Variants in LRP1B observed in about 807,000 individuals in gnomAD.
LRP1B encodes the protein low-density lipoprotein receptor-related protein 1B.
In LRP1B, 217 loss-of-function variants were observed where a neutral mutation model predicts 556.6. The observed-to-expected ratio is 0.39, with a 90% CI of 0.35 to 0.44. LRP1B has a LOEUF of 0.44. Among genes scored for constraint, LRP1B ranks in the 20% least tolerant of loss-of-function variants. The pLI is 1.00. For missense variants in LRP1B, 5,053 were observed against 5,620.8 expected, an observed-to-expected ratio of 0.90 and a Z score of 3.23; for synonymous variants, 2,047 against 1,865.8, an observed-to-expected ratio of 1.10 and a Z score of -2.50.
intron 18 of LRP1B, among the ~76,000 whole-genome samples, chr2:140,962,314 T>C (rs1227010456): frequency 1.3e-5 from 2 of 152,172 alleles, no homozygotes; most frequent in African/African-American, 4.8e-5. Flanking sequence ...TGCAACCTTC[T>C]AGAGCAGAAA....
intron 2 of LRP1B, among the ~76,000 whole-genome samples, chr2:141,619,100 C>A (rs980489681): frequency 6.6e-6 from 1 of 152,128 alleles, no homozygotes; most frequent in African/African-American, 2.4e-5. Flanking sequence ...GCTTCCTATC[C>A]TGTTTGATTT....
chr2:140,313,146 T>C (rs1684379338), intron 83 of LRP1B, among the ~76,000 whole-genome samples: 1 of 151,922 alleles, frequency 6.6e-6, no homozygotes, highest in African/African-American at 2.4e-5. Flanking sequence ...AAAATGCTTT[T>C]TAAGTGACTT....
intron 1 of LRP1B, among the ~76,000 whole-genome samples, chr2:141,993,582 C>T (rs910169436): frequency 6.6e-6 from 1 of 151,194 alleles, no homozygotes; most frequent in African/African-American, 2.4e-5. Context: ...AGACAGGATT[C>T]AGAATGGATT....
chr2:141,643,644 C>T (rs79863754), intron 2 of LRP1B, among the ~76,000 whole-genome samples: 2 of 151,952 alleles, frequency 1.3e-5, no homozygotes, highest in Non-Finnish European at 2.9e-5. Context: ...TTTTGTCCCA[C>T]AAAAGTAGAA....
chr2:141,600,687 A>C (rs1179822037), intron 2 of LRP1B, among the ~76,000 whole-genome samples: 1 of 152,114 alleles, frequency 6.6e-6, no homozygotes, highest in Non-Finnish European at 1.5e-5. Flanking sequence ...CCCATAAAAT[A>C]AGAAAAATTT....
At chr2:140,576,035 A>G (rs751996215) in intron 43 of LRP1B, among the ~76,000 whole-genome samples, 3 of 152,188 alleles carry the variant, frequency 2.0e-5, no homozygotes, top group Non-Finnish European at 4.4e-5. Context: ...GGTACTCTTG[A>G]TCTTTTGAAA....
At chr2:140,525,745 T>G in intron 49 of LRP1B, 99 bp downstream of exon 49, 1 of 1,060,382 alleles carries the variant, frequency 9.4e-7, no homozygotes, top group Non-Finnish European at 1.4e-6. Context: ...ATGTCAATAA[T>G]TGATATTAAG....
At chr2:140,883,660 A>G (rs1693543893) in intron 25 of LRP1B, among the ~76,000 whole-genome samples, 157 bp downstream of exon 25, 1 of 151,880 alleles carries the variant, frequency 6.6e-6, no homozygotes, top group African/African-American at 2.4e-5. Flanking sequence ...TACAACTCAC[A>G]TACCTACCCC....
intron 3 of LRP1B, among the ~76,000 whole-genome samples, chr2:141,277,625 G>A (rs954320760): frequency 1.3e-5 from 2 of 151,202 alleles, no homozygotes. Flanking sequence ...GAAAATATAT[G>A]GATGGGAGTA....
At chr2:141,122,845 C>T (rs1452926121) in intron 7 of LRP1B, among the ~76,000 whole-genome samples, 2 of 152,096 alleles carry the variant, frequency 1.3e-5, no homozygotes, top group African/African-American at 4.8e-5. Flanking sequence ...GACTTGGAAC[C>T]AACCCAAATG....
chr2:140,862,071 A>G (rs1404710560), intron 27 of LRP1B, among the ~76,000 whole-genome samples: 1 of 152,206 alleles, frequency 6.6e-6, no homozygotes. Flanking sequence ...TCTACAATTG[A>G]ATAACTATGA....
chr2:141,575,496 C>T (rs531776644), intron 2 of LRP1B, among the ~76,000 whole-genome samples: 1 of 152,272 alleles, frequency 6.6e-6, no homozygotes, highest in South Asian at 2.1e-4. Flanking sequence ...ACCATAAAAA[C>T]CCTAGAAGAA....
chr2:140,361,341 C>CATATATATATATATATATATAT (rs67208978), intron 72 of LRP1B, among the ~76,000 whole-genome samples: 3 of 30,730 alleles, frequency 9.8e-5, no homozygotes, highest in Non-Finnish European at 1.3e-4. Context: ...ACTTGGAAAG[C>CATATATATATATATATATATAT]ATATATATAT....
chr2:140,273,885 G>T (rs975665229), intron 85 of LRP1B, among the ~76,000 whole-genome samples: 19 of 151,908 alleles, frequency 1.3e-4, no homozygotes, highest in Non-Finnish European at 1.2e-4. Flanking sequence ...AGTCAAACTC[G>T]AAGATTTTTG....
chr2:141,649,447 G>A (rs892808709), intron 2 of LRP1B, among the ~76,000 whole-genome samples: 1 of 152,102 alleles, frequency 6.6e-6, no homozygotes, highest in Admixed American at 6.6e-5. Context: ...CCCTTTCTTA[G>A]ATGCTTAAAC....
At chr2:140,872,915 G>A (rs1693185493) in intron 25 of LRP1B, among the ~76,000 whole-genome samples, 1 of 151,974 alleles carries the variant, frequency 6.6e-6, no homozygotes, top group South Asian at 2.1e-4. Context: ...ATATGTTTAT[G>A]TATTTATGTG....
intron 66 of LRP1B, among the ~76,000 whole-genome samples, chr2:140,389,113 G>A (rs1205824435): frequency 1.3e-5 from 2 of 148,882 alleles, no homozygotes; most frequent in African/African-American, 5.1e-5. Flanking sequence ...AGTATTATAA[G>A]TATGGAGAAA....
At chr2:140,527,493 GTTC>G (rs1241011616) in intron 47 of LRP1B, among the ~76,000 whole-genome samples, 4 of 151,804 alleles carry the variant, frequency 2.6e-5, no homozygotes, top group Admixed American at 1.3e-4. Context: ...ATAATGTATG[GTTC>G]TTATTATATT....
intron 25 of LRP1B, among the ~76,000 whole-genome samples, chr2:140,880,755 T>C (rs1693448025): frequency 6.6e-6 from 1 of 152,178 alleles, no homozygotes; most frequent in Non-Finnish European, 1.5e-5. Flanking sequence ...TTTTCATTTG[T>C]TATTGTAAAC....
Sources: gnomAD v4.1 joint callset for allele counts (sites outside exome capture counted in the v4.1 genomes callset) on GRCh38, gnomAD v4.1.1 for gene constraint, MANE v1.5 for transcripts, NCBI Gene and HGNC (gene_info 2026-07-23, HGNC 2026-07-21) for gene names.